MYCBP2: variants seen among roughly 807,000 people sequenced by gnomAD.
MYCBP2 encodes the protein MYC binding protein 2.
A neutral mutation model predicts 525.3 loss-of-function variants in MYCBP2; 120 were observed. The ratio of observed to expected loss-of-function variants is 0.23; its 90% confidence interval spans 0.20 to 0.27. The LOEUF (loss-of-function observed/expected upper bound fraction) is 0.27. Ranked by LOEUF, MYCBP2 falls within the 10% of genes least tolerant of loss-of-function variation. The pLI is 1.00. For synonymous variants in MYCBP2, 1,894 were observed against 1,955.8 expected, an observed-to-expected ratio of 0.97 and a Z score of 0.83; for missense variants, 4,149 against 5,657.1, an observed-to-expected ratio of 0.73 and a Z score of 8.55.
At chr13:77,207,046 A>T (rs1337818015) in intron 23 of MYCBP2, among the ~76,000 whole-genome samples, 2 of 152,334 alleles carry the variant, frequency 1.3e-5, no homozygotes, top group Middle Eastern at 3.4e-3. Flanking sequence ...AATACTTAAT[A>T]CAGAAAATAG....
intron 80 of MYCBP2, among the ~76,000 whole-genome samples, chr13:77,053,453 A>T (rs2037248622): frequency 6.6e-6 from 1 of 152,168 alleles, no homozygotes. Flanking sequence ...TACTAGAAAA[A>T]CAGGTCCAAA....
chr13:77,144,417 T>C lies in MYCBP2; in HGVS notation c.7303+28A>G, dbSNP rs7997138. 2,163 of 1,449,160 alleles carry C rather than the reference T, an allele frequency of 1.5e-3. 31 individuals are homozygous for C. The African/African-American group carries it at 0.027, about 18-fold the overall frequency. The allele number at this position is 1,449,160 out of a possible 1,614,324, so 89.8% of individuals were successfully genotyped here. A position where few individuals can be genotyped will look rare whatever the true frequency, so the allele number is the denominator to read the frequency against. On this transcript the variant is annotated intron_variant, in intron 49 of 82. Transcript: ENST00000544440. ...TTTGACTCTAGTTATTTGAAGTAAG[T>C]AGTAGCTCATGGCTTTAAAGAAAAT...
In MYCBP2 at chr13:77,266,746, G is replaced by GAAAAAAAA. The variant is rs56408804; in HGVS notation, c.1357+1087_1357+1094dup. On this transcript the variant is annotated intron_variant, in intron 8 of 82. Coordinates refer to ENST00000544440, the MANE Select transcript of MYCBP2 (RefSeq NM_015057.5). ...AAAGACATGGTCCAGGACTTGTAAT[G>GAAAAAAAA]AAAAAAAAAAAAAAAAAAAAAACCC... 2.3e-3 allele frequency among the ~76,000 whole-genome samples: 207 copies of GAAAAAAAA among 89,398 alleles called. 4 individuals are homozygous for GAAAAAAAA. The highest frequency in any genetic ancestry group is 8.7e-3 in the African/African-American group (195 of 22,478). 58.6% of individuals were successfully genotyped at this position (89,398 alleles called of 152,430 possible).
intron 32 of MYCBP2, among the ~76,000 whole-genome samples, chr13:77,184,498 A>G (rs911879420): frequency 5.9e-5 from 9 of 152,212 alleles, no homozygotes; most frequent in African/African-American, 2.2e-4. Flanking sequence ...CCTGTTTTGT[A>G]AATGTCAGAT....
At position 77,183,541 on chromosome 13, in the gene MYCBP2, C is replaced by CTTTTTTTTTTTTTTTTTTTTTTTT. The variant is rs60927409; in HGVS notation, c.4719+1538_4719+1561dup. On this transcript the variant is annotated intron_variant, in intron 32 of 82. Coordinates refer to ENST00000544440, the MANE Select transcript of MYCBP2 (RefSeq NM_015057.5). ...TTGTTTATAGTGATAGTCCCTATTTCTTTTTTTTTTTTTTTTTTTTTTTTT... is the reference window on the plus strand; with the variant it reads ...TTGTTTATAGTGATAGTCCCTATTTCTTTTTTTTTTTTTTTTTTTTTTTTTTTTTTTTTTTTTTTTTTTTTTTTT... 1.5e-4 allele frequency among the ~76,000 whole-genome samples: 10 copies of CTTTTTTTTTTTTTTTTTTTTTTTT among 66,050 alleles called. 3 individuals are homozygous for CTTTTTTTTTTTTTTTTTTTTTTTT. Among genetic ancestry groups the CTTTTTTTTTTTTTTTTTTTTTTTT allele is most frequent in the African/African-American group, 5.7e-4 (8 of 14,090 alleles). The allele number at this position is 66,050 out of a possible 152,430, so 43.3% of individuals were successfully genotyped here. A position where few individuals can be genotyped will look rare whatever the true frequency, so the allele number is the denominator to read the frequency against.
intron 62 of MYCBP2, among the ~76,000 whole-genome samples, 173 bp from the exon 63 acceptor site, chr13:77,083,365 A>AG (rs2043634835): frequency 6.6e-6 from 1 of 152,212 alleles, no homozygotes; most frequent in South Asian, 2.1e-4. Context: ...GTATTATTTT[A>AG]GGGAAAAAAG....
At chr13:77,199,055 G>A (rs1019050085) in intron 26 of MYCBP2, among the ~76,000 whole-genome samples, 1 of 152,118 alleles carries the variant, frequency 6.6e-6, no homozygotes. Flanking sequence ...GGCTGAATAG[G>A]AACAGCTCCG....
At chr13:77,217,013 A>C (rs1160855661) in intron 21 of MYCBP2, among the ~76,000 whole-genome samples, 2 of 152,250 alleles carry the variant, frequency 1.3e-5, no homozygotes, top group African/African-American at 4.8e-5. Flanking sequence ...GTGCAATAAT[A>C]AAGCAAATGC....
rs1220606644 is a variant in MYCBP2, at chr13:77,185,270, C to G, written c.4552G>C (p.Val1518Leu). 2 of 1,613,906 alleles carry G rather than the reference C, an allele frequency of 1.2e-6. No homozygotes were observed. Among genetic ancestry groups the G allele is most frequent in the African/African-American group, 2.7e-5 (2 of 74,904 alleles). ...ILSEGVDHCM[V>L]KLDNDPQGYL... The stretch of plus-strand genomic sequence containing the variant: ...CCTTGAGGATCATTATCCAATTTCA[C>G]CATGCAGTGATCAACTCCTTCTGAT... Residue 1518 changes from valine (V) to leucine (L), a missense_variant, in exon 32 of 83, where the codon GTG (valine) becomes CTG (leucine). Around this residue, in one of 21 missense-constraint regions of MYCBP2, gnomAD observed 292 missense variants for 330.5 expected, o/e 0.88. Coordinates refer to ENST00000544440, the MANE Select transcript of MYCBP2 (RefSeq NM_015057.5).
Position 77,077,174 on chromosome 13 carries a change from G to C in MYCBP2, c.11698C>G (p.Arg3900Gly). 6.2e-7 allele frequency: 1 copy of C among 1,613,770 alleles called. No individual in the cohort carries two copies. ...QQRNCEAETL[R>G]VFRLITSQVF... is the part of the protein sequence containing the mutation. ...TGAGACGTAATCAGTCTGAATACTC[G>C]CAGAGTCTCAGCTTCACAGTTCCTC... Residue 3900 changes from arginine to glycine, a missense_variant, in exon 67 of 83, where the codon CGA becomes GGA. Physicochemically the swap from Arg to Gly is moderately radical, Grantham distance 125. Coordinates refer to ENST00000544440, the MANE Select transcript of MYCBP2 (RefSeq NM_015057.5).
chr13:77,115,113 A>G (rs1462555858), intron 55 of MYCBP2, among the ~76,000 whole-genome samples: 1 of 151,968 alleles, frequency 6.6e-6, no homozygotes, highest in Admixed American at 6.6e-5. Context: ...TAGAAAACAC[A>G]AGATCTTAAA....
intron 13 of MYCBP2, 105 bp downstream of exon 13, chr13:77,260,323 G>T: frequency 2.6e-6 from 2 of 758,348 alleles, no homozygotes. Context: ...TGTAAAAAAT[G>T]TAGAGAAAGC....
chr13:77,198,405 G>T (rs74098717), intron 26 of MYCBP2, among the ~76,000 whole-genome samples: 10,341 of 152,240 alleles, frequency 0.068, 558 homozygotes, highest in African/African-American at 0.14. Context: ...TTGGAAACCA[G>T]CATTATGAAG....
chr13:77,146,231 A>C lies in MYCBP2; in HGVS notation c.7132-14T>G, dbSNP rs1334458278. ...ATTTTCATAAACCTTTAAGAAAGAG[A>C]CCAGTCTGAACAATCGTAAAATCAT... is the stretch of plus-strand genomic sequence containing the variant. On this transcript the variant is annotated splice_polypyrimidine_tract_variant and intron_variant, in intron 47 of 82. Transcript: ENST00000544440. 2.6e-6 allele frequency: 4 copies of C among 1,549,324 alleles called. No homozygotes were observed. In the South Asian group the frequency reaches 4.9e-5, roughly 19 times the overall value.
chr13:77,304,709 T>C (rs1328363655), intron 1 of MYCBP2, among the ~76,000 whole-genome samples: 1 of 152,154 alleles, frequency 6.6e-6, no homozygotes, highest in East Asian at 1.9e-4. Flanking sequence ...TGTATCAAAA[T>C]ATCATATTAT....
Position 77,096,338 on chromosome 13 carries a change from C to T in MYCBP2, c.9928G>A (p.Glu3310Lys), listed in dbSNP as rs780533178. ...TTCTCCCTTGCAGCAGCCTGTTTTT[C>T]GCGGAGGTATTTTTCTCTACAGCGA... ...CDRCREKYLR[E>K]KQAAAREKVK... is the part of the protein sequence containing the mutation. The change falls in exon 57 of 83, where the codon GAA becomes AAA. Residue 3310 changes from glutamate (E) to lysine (K), a missense_variant. Transcript: ENST00000544440. 1.1e-5 allele frequency: 18 copies of T among 1,612,948 alleles called. No homozygotes were observed. The highest frequency in any genetic ancestry group is 1.6e-4 in the Middle Eastern group (1 of 6,070).
intron 1 of MYCBP2, among the ~76,000 whole-genome samples, chr13:77,305,886 T>C (rs765244047): frequency 5.9e-5 from 9 of 152,120 alleles, no homozygotes; most frequent in Non-Finnish European, 8.8e-5. Context: ...TTTTACTTAA[T>C]CTAATACAGA....
chr13:77,077,663 C>T (rs909405525), intron 66 of MYCBP2: 10 of 313,942 alleles, frequency 3.2e-5, no homozygotes, highest in East Asian at 1.2e-4. Flanking sequence ...GGCCTGACTA[C>T]GATATGGCTT....
At chr13:77,140,811 G>C (rs2054492147) in intron 50 of MYCBP2, 35 bp downstream of exon 50, 1 of 1,487,018 alleles carries the variant, frequency 6.7e-7, no homozygotes, top group Non-Finnish European at 9.3e-7. Context: ...CGTAAAAATT[G>C]AATGATTCCG....
Sources: gnomAD v4.1 joint callset for allele counts (sites outside exome capture counted in the v4.1 genomes callset) on GRCh38, gnomAD v4.1.1 for gene constraint, gnomAD v4.1.1 regional missense constraint, MANE v1.5 for transcripts, NCBI Gene and HGNC (gene_info 2026-07-23, HGNC 2026-07-21) for gene names.